Variants in CSMD1 observed in about 807,000 individuals in gnomAD.
CSMD1 encodes CUB and Sushi multiple domains 1.
In CSMD1, 213 loss-of-function variants were observed where a neutral mutation model predicts 417.5. That is an observed-to-expected ratio of 0.51 (90% CI 0.46 to 0.57). The LOEUF (loss-of-function observed/expected upper bound fraction) is 0.57. CSMD1 is among the 20% of genes least tolerant of loss of function. CSMD1 has a pLI of 0.00. For missense variants in CSMD1, 6,923 were observed against 4,529.7 expected (o/e 1.53, Z -15.17); for synonymous variants, 2,862 against 1,736.8 (o/e 1.65, Z -16.11).
chr8:4,566,314 G>T (rs1317776020), intron 2 of CSMD1, among the ~76,000 whole-genome samples: 2 of 152,090 alleles, frequency 1.3e-5, no homozygotes, highest in Non-Finnish European at 2.9e-5. Context: ...GAAAGCCATT[G>T]GCTCATTATT....
intron 5 of CSMD1, among the ~76,000 whole-genome samples, chr8:3,767,634 C>A (rs1056407646): frequency 2.6e-4 from 39 of 152,148 alleles, no homozygotes; most frequent in African/African-American, 8.9e-4. Flanking sequence ...CATATATATT[C>A]ACGCAATGCA....
chr8:3,366,305 G>A (rs998775545), intron 20 of CSMD1, among the ~76,000 whole-genome samples: 2 of 152,116 alleles, frequency 1.3e-5, no homozygotes, highest in African/African-American at 4.8e-5. Context: ...TGTTCACTGA[G>A]CATCATTTGT....
intron 11 of CSMD1, among the ~76,000 whole-genome samples, chr8:3,484,072 A>T (rs1027260086): frequency 6.6e-6 from 1 of 152,212 alleles, no homozygotes; most frequent in South Asian, 2.1e-4. Context: ...ATACATGCAT[A>T]TATGTTTATG....
chr8:4,700,949 C>A (rs1178110962), intron 1 of CSMD1, among the ~76,000 whole-genome samples: 1 of 152,120 alleles, frequency 6.6e-6, no homozygotes, highest in Non-Finnish European at 1.5e-5. Flanking sequence ...TATCAAGTAA[C>A]CTTCGGTCTC....
chr8:4,204,282 A>G (rs1278577045), intron 3 of CSMD1, among the ~76,000 whole-genome samples: 1 of 151,972 alleles, frequency 6.6e-6, no homozygotes, highest in African/African-American at 2.4e-5. Flanking sequence ...AAAAACCTCA[A>G]TTTGGAAGTT....
At chr8:4,582,716 C>G (rs1354019942) in intron 2 of CSMD1, among the ~76,000 whole-genome samples, 1 of 152,240 alleles carries the variant, frequency 6.6e-6, no homozygotes, top group African/African-American at 2.4e-5. Flanking sequence ...GCCTGGGCTC[C>G]CACTTTGGTG....
At chr8:4,758,912 G>A (rs894857011) in intron 1 of CSMD1, among the ~76,000 whole-genome samples, 1 of 152,176 alleles carries the variant, frequency 6.6e-6, no homozygotes, top group Admixed American at 6.5e-5. Flanking sequence ...ATCATTCAGT[G>A]GTGAGGGATG....
intron 5 of CSMD1, among the ~76,000 whole-genome samples, chr8:3,917,299 G>A (rs958857407): frequency 3.9e-5 from 6 of 152,104 alleles, no homozygotes; most frequent in Non-Finnish European, 7.4e-5. Context: ...TAGGTGATGC[G>A]TTGGGAGTAG....
intron 3 of CSMD1, among the ~76,000 whole-genome samples, chr8:4,249,418 G>T (rs928784625): frequency 6.6e-6 from 1 of 152,192 alleles, no homozygotes; most frequent in Non-Finnish European, 1.5e-5. Context: ...AACTAATAGT[G>T]TTAGTGAAAA....
intron 10 of CSMD1, among the ~76,000 whole-genome samples, chr8:3,549,474 G>A (rs758566468): frequency 2.0e-5 from 3 of 152,204 alleles, no homozygotes; most frequent in Non-Finnish European, 4.4e-5. Context: ...TGTCGCAGCA[G>A]TGAGAGATGG....
At chr8:4,168,076 C>A (rs373679824) in intron 3 of CSMD1, among the ~76,000 whole-genome samples, 1 of 151,540 alleles carries the variant, frequency 6.6e-6, no homozygotes. Context: ...TTGTAGGGAG[C>A]TGAAATCGCA....
At chr8:4,161,536 G>T (rs1797168616) in intron 3 of CSMD1, among the ~76,000 whole-genome samples, 1 of 152,200 alleles carries the variant, frequency 6.6e-6, no homozygotes, top group Non-Finnish European at 1.5e-5. Context: ...AAAGTCCACT[G>T]TGCACCTCCT....
intron 1 of CSMD1, among the ~76,000 whole-genome samples, chr8:4,887,579 C>T (rs1563678965): frequency 6.6e-6 from 1 of 152,044 alleles, no homozygotes; most frequent in Middle Eastern, 3.4e-3. Flanking sequence ...AGTCACCAAC[C>T]ATTATTTTAA....
intron 49 of CSMD1, among the ~76,000 whole-genome samples, chr8:3,060,240 A>T (rs974567468): frequency 2.7e-5 from 4 of 150,054 alleles, no homozygotes; most frequent in African/African-American, 9.8e-5. Flanking sequence ...CCACCTCCCG[A>T]GTTCAAGCGA....
chr8:3,870,350 T>C (rs796725409), intron 5 of CSMD1, among the ~76,000 whole-genome samples: 3 of 152,206 alleles, frequency 2.0e-5, no homozygotes, highest in South Asian at 4.1e-4. Flanking sequence ...GTAGCACATA[T>C]GTAAAAAGAC....
intron 3 of CSMD1, among the ~76,000 whole-genome samples, chr8:4,280,894 T>C (rs570682254): frequency 6.6e-6 from 1 of 152,352 alleles, no homozygotes; most frequent in Admixed American, 6.5e-5. Context: ...TTTTGGTAAT[T>C]AGTTGTCATG....
chr8:4,461,875 G>C (rs1043846600), intron 2 of CSMD1, among the ~76,000 whole-genome samples: 3 of 151,418 alleles, frequency 2.0e-5, no homozygotes, highest in African/African-American at 7.3e-5. Flanking sequence ...CGAGTAGCTC[G>C]GACTACAGGA....
chr8:4,177,195 G>A (rs1798099425), intron 3 of CSMD1, among the ~76,000 whole-genome samples: 1 of 152,098 alleles, frequency 6.6e-6, no homozygotes, highest in South Asian at 2.1e-4. Context: ...GCTCTCCTCA[G>A]CAAATGTAAA....
chr8:4,273,059 C>T (rs549157306), intron 3 of CSMD1, among the ~76,000 whole-genome samples: 5 of 152,114 alleles, frequency 3.3e-5, no homozygotes, highest in South Asian at 2.1e-4. Flanking sequence ...CATTATGTTG[C>T]CATCATTTGA....
Sources: allele counts gnomAD v4.1 joint callset (sites outside exome capture counted in the v4.1 genomes callset), GRCh38; gene constraint gnomAD v4.1.1; transcripts MANE v1.5; gene names NCBI Gene and HGNC (gene_info 2026-07-23, HGNC 2026-07-21).